Variants in PRPF6 observed in about 807,000 individuals in gnomAD.
PRPF6 encodes pre-mRNA-processing factor 6.
A neutral mutation model predicts 118.3 loss-of-function variants in PRPF6; 42 were observed. The observed-to-expected ratio is 0.35, with a 90% confidence interval of 0.28 to 0.46. PRPF6 has a LOEUF of 0.46. Among genes scored for constraint, PRPF6 ranks in the 20% least tolerant of loss-of-function variants. The pLI is 1.00. For missense variants in PRPF6, 662 were observed against 1,255.7 expected (o/e 0.53, Z 7.15); for synonymous variants, 481 against 485.1 (o/e 0.99, Z 0.11).
intron 2 of PRPF6, 36 bp downstream of exon 2, chr20:63,983,251 A>G (rs368588246): frequency 2.1e-4 from 340 of 1,613,604 alleles, no homozygotes; most frequent in Admixed American, 1.0e-3. Context: ...TCCTCCAGCC[A>G]GTCTCTGGGA....
In PRPF6 at chr20:64,007,449, C is replaced by T. The variant is rs191395633; in HGVS notation, c.1187-2751C>T. On this transcript the variant is annotated intron_variant, in intron 9 of 20. Transcript: ENST00000266079. ...TTCCCTCCCCGCCTCCCCTCCCCTG[C>T]CCTGCCCTTTTCCTCTTTTTTTTTT... Among the ~76,000 whole-genome samples the T allele has an allele frequency of 4.4e-5, 6 of 137,710 alleles. No individual in the cohort carries two copies. The South Asian group carries it at 1.2e-3, about 28-fold the overall frequency. The allele number at this position is 137,710 out of a possible 152,430, so 90.3% of individuals were successfully genotyped here. A position where few individuals can be genotyped will look rare whatever the true frequency, so the allele number is the denominator to read the frequency against.
intron 4 of PRPF6, among the ~76,000 whole-genome samples, chr20:63,993,950 A>T (rs778364522): frequency 4.6e-5 from 7 of 151,762 alleles, no homozygotes; most frequent in African/African-American, 9.7e-5. Flanking sequence ...GGATTTCGCC[A>T]TGTGTACCAG....
chr20:64,017,372 G>A (rs2059243505), intron 12 of PRPF6, among the ~76,000 whole-genome samples: 1 of 149,582 alleles, frequency 6.7e-6, no homozygotes, highest in African/African-American at 2.5e-5. Flanking sequence ...ACCGCGCCCG[G>A]CCTCCCAGAG....
chr20:64,008,860 C>T (rs1407195140), intron 9 of PRPF6, among the ~76,000 whole-genome samples: 2 of 152,166 alleles, frequency 1.3e-5, no homozygotes, highest in Non-Finnish European at 2.9e-5. Flanking sequence ...GAATACATTG[C>T]AGGTAATATT....
chr20:64,004,144 T>C (rs2059179766), intron 9 of PRPF6, among the ~76,000 whole-genome samples: 1 of 152,240 alleles, frequency 6.6e-6, no homozygotes, highest in Non-Finnish European at 1.5e-5. Context: ...TCTGGGTTCA[T>C]TTCCAGTTGG....
rs1407449352 is a variant in PRPF6 at position 64,029,513 on chromosome 20, T to G, written c.2546+22T>G. The G allele has an allele frequency of 1.3e-5, 21 of 1,598,164 alleles. No homozygotes were observed. The highest frequency in any genetic ancestry group is 1.8e-5 in the Non-Finnish European group (21 of 1,165,734). On this transcript the variant is annotated intron_variant, in intron 19 of 20. Coordinates refer to ENST00000266079, the MANE Select transcript of PRPF6 (RefSeq NM_012469.4). The surrounding 1 kb of genome is among the most constrained non-coding windows in gnomAD (Gnocchi z 4.8). ...CCAAGTGAGTGGGGCCCCCACAGGA[T>G]TGCTGAACCTCGGGGTCCTAATGGG...
In PRPF6 at chr20:64,011,001, CT is replaced by C. The variant is rs1006406208; in HGVS notation, c.1306-283del. 2.6e-5 allele frequency among the ~76,000 whole-genome samples: 4 copies of C among 152,168 alleles called. No homozygotes were observed. The highest frequency in any genetic ancestry group is 9.7e-5 in the African/African-American group (4 of 41,442). On this transcript the variant is annotated intron_variant, in intron 10 of 20. Coordinates refer to ENST00000266079, the MANE Select transcript of PRPF6 (RefSeq NM_012469.4). This position sits in a 1 kb window ranked among gnomAD's most constrained non-coding sequence, Gnocchi z 6.7. ...TCATCCTGCTCGTCTGTGCCAGCCC[CT>C]GGTATCAGGTCTGGCGTGCTGTGTG...
intron 12 of PRPF6, among the ~76,000 whole-genome samples, chr20:64,020,911 C>G (rs958896083): frequency 6.6e-6 from 1 of 152,056 alleles, no homozygotes; most frequent in Non-Finnish European, 1.5e-5. Flanking sequence ...CTCAGCCTCC[C>G]AAGTAGCTGG....
intron 6 of PRPF6, 31 bp from the exon 7 acceptor site, chr20:63,999,014 C>A: frequency 6.4e-7 from 1 of 1,571,582 alleles, no homozygotes; most frequent in Non-Finnish European, 8.7e-7. Context: ...TGGTCATGTC[C>A]AGCTGACTCT....
At chr20:64,025,157 G>A (rs1360332323) in intron 14 of PRPF6, among the ~76,000 whole-genome samples, 3 of 152,166 alleles carry the variant, frequency 2.0e-5, no homozygotes, top group East Asian at 3.8e-4. Flanking sequence ...TGTTACTGTA[G>A]CTCAGGCTAA....
At chr20:64,000,582 T>TC (rs139060583) in intron 8 of PRPF6, among the ~76,000 whole-genome samples, 1 of 151,622 alleles carries the variant, frequency 6.6e-6, no homozygotes, top group Non-Finnish European at 1.5e-5. Flanking sequence ...TTTTTTTTTT[T>TC]CTTTTTTTTT....
chr20:64,031,677 A>C (rs1474688359), intron 19 of PRPF6, among the ~76,000 whole-genome samples: 4 of 151,004 alleles, frequency 2.6e-5, no homozygotes, highest in African/African-American at 9.8e-5. Flanking sequence ...CTTCTCAAAA[A>C]AAAAAAAAAA....
chr20:64,031,776 G>T (rs2059315759), intron 19 of PRPF6, 142 bp from the exon 20 acceptor site: 2 of 1,082,292 alleles, frequency 1.8e-6, no homozygotes, highest in African/African-American at 3.1e-5. Flanking sequence ...GATCAGCCGA[G>T]GCCCTGATCC....
In PRPF6 at chr20:64,031,941, T is replaced by G; in HGVS notation, c.2570T>G (p.Ile857Ser). 1 of 1,614,094 alleles carries G rather than the reference T, an allele frequency of 6.2e-7. No homozygotes were observed. Among genetic ancestry groups the G allele is most frequent in the South Asian group, 1.1e-5 (1 of 91,076 alleles). ...VAKLFWSQRK[I>S]TKAREWFHRT... ...AGGCTGTTTTGGAGTCAGCGGAAGA[T>G]CACCAAGGCCAGGGAGTGGTTCCAC... The change falls in exon 20 of 21, where the codon ATC becomes AGC. Residue 857 changes from isoleucine to serine, a missense_variant. Physicochemically the swap from Ile to Ser is moderately radical, Grantham distance 142. Transcript: ENST00000266079.
In PRPF6 at chr20:63,995,414, A is replaced by G. The variant is rs778595280; in HGVS notation, c.703A>G (p.Thr235Ala). The G allele has an allele frequency of 5.9e-5, 95 of 1,614,036 alleles. No homozygotes were observed. Among genetic ancestry groups the G allele is most frequent in the Non-Finnish European group, 8.0e-5 (94 of 1,180,028 alleles). The change falls in exon 6 of 21, where the codon ACA becomes GCA. Residue 235 changes from threonine to alanine, a missense_variant. By Grantham distance (58) the Thr-to-Ala change is moderately conservative. This residue lies in a region of PRPF6 where 97 missense variants were observed against 122.6 expected (regional missense o/e 0.79). Transcript: ENST00000266079. Reference protein sequence around the residue: ...GMTPGLMTPGTGELDMRKIGQ... With the variant: ...GMTPGLMTPGAGELDMRKIGQ... ...GACGCCAGGACTGATGACACCTGGCACAGGTGAGCTGGACATGAGGAAGAT... is the reference window on the plus strand; with the variant it reads ...GACGCCAGGACTGATGACACCTGGCGCAGGTGAGCTGGACATGAGGAAGAT...
chr20:63,988,282 T>C (rs1214987608), intron 3 of PRPF6, among the ~76,000 whole-genome samples: 1 of 150,166 alleles, frequency 6.7e-6, no homozygotes, highest in East Asian at 2.0e-4. Context: ...ATTGCACCAC[T>C]GCACTCCAGC....
intron 1 of PRPF6, among the ~76,000 whole-genome samples, chr20:63,981,653 C>T (rs973612849): frequency 7.0e-6 from 1 of 143,434 alleles, no homozygotes; most frequent in African/African-American, 2.6e-5. Context: ...TCCCCCCCCC[C>T]GCCCGCCCGC....
intron 20 of PRPF6, among the ~76,000 whole-genome samples, chr20:64,032,335 T>G (rs2059318651): frequency 6.6e-6 from 1 of 152,258 alleles, no homozygotes; most frequent in African/African-American, 2.4e-5. Context: ...ATTTGCTGGC[T>G]GGAGCCTGGG....
Position 64,030,773 on chromosome 20 carries a change from C to T in PRPF6, c.2547-1145C>T, listed in dbSNP as rs16984116. ...CTTTAAATCACAGTTTATCTAACAC[C>T]GGGCAATTAAGAATACCACAAGGCT... On this transcript the variant is annotated intron_variant, in intron 19 of 20. Transcript: ENST00000266079. Among the ~76,000 whole-genome samples the T allele has an allele frequency of 5.1e-4, 77 of 152,352 alleles. 1 individual carries two copies. In the East Asian group the frequency reaches 0.01, roughly 20 times the overall value.
Sources: gnomAD v4.1 joint callset for allele counts (sites outside exome capture counted in the v4.1 genomes callset) on GRCh38, gnomAD v4.1.1 for gene constraint, gnomAD v4.1.1 regional missense constraint, Gnocchi (gnomAD v3.1) non-coding constraint, MANE v1.5 for transcripts, NCBI Gene and HGNC (gene_info 2026-07-23, HGNC 2026-07-21) for gene names.